The following CRAMP1 variants were observed in gnomAD, a reference collection of about 807,000 sequenced individuals.
CRAMP1 encodes cramped chromatin regulator 1.
Under a neutral mutation model 115.4 loss-of-function variants are expected in CRAMP1, and 50 were observed. The ratio of observed to expected loss-of-function variants is 0.43; its 90% CI spans 0.35 to 0.55. The LOEUF is 0.55. Among genes scored for constraint, CRAMP1 ranks in the 20% least tolerant of loss-of-function variants. CRAMP1 has a pLI of 0.01. For missense variants in CRAMP1, 1,679 were observed against 1,721.7 expected, an observed-to-expected ratio of 0.98 and a Z score of 0.44; for synonymous variants, 866 against 745.4, an observed-to-expected ratio of 1.16 and a Z score of -2.64.
rs900262076 is a variant in CRAMP1, at chr16:1,652,486, C to G, written c.828-10C>G. 7.7e-6 allele frequency: 12 copies of G among 1,551,082 alleles called. No homozygotes were observed. The highest frequency in any genetic ancestry group is 2.4e-5 in the East Asian group (1 of 40,930). ...CAGGCCTCAGCGTTCCTTCAAAACT[C>G]TTTTCCCAGGGCCACCACTGTACGT... On this transcript the variant is annotated splice_polypyrimidine_tract_variant and intron_variant, in intron 6 of 20. Coordinates refer to ENST00000397412, the MANE Select transcript of CRAMP1 (RefSeq NM_020825.4).
At chr16:1,667,464 G>A in intron 17 of CRAMP1, 64 bp downstream of exon 17, 1 of 1,285,800 alleles carries the variant, frequency 7.8e-7, no homozygotes, top group Non-Finnish European at 1.1e-6. Context: ...AGTGCCCTGA[G>A]CTGCCACCTG....
At chr16:1,637,047 C>T (rs1268300975) in intron 4 of CRAMP1, among the ~76,000 whole-genome samples, 1 of 152,196 alleles carries the variant, frequency 6.6e-6, no homozygotes, top group Non-Finnish European at 1.5e-5. Context: ...AATCCCAGCA[C>T]TTTGGGAGGT....
intron 3 of CRAMP1, 120 bp downstream of exon 3, chr16:1,626,286 C>T (rs1482459329): frequency 2.1e-6 from 2 of 974,540 alleles, no homozygotes; most frequent in Admixed American, 6.6e-5. Flanking sequence ...TGGGCGACCC[C>T]CGCAGTGGCG....
chr16:1,648,083 A>G (rs1216734256), intron 6 of CRAMP1, among the ~76,000 whole-genome samples: 1 of 152,148 alleles, frequency 6.6e-6, no homozygotes, highest in Non-Finnish European at 1.5e-5. Flanking sequence ...GAATGGTTCC[A>G]TATGAATGCA....
At position 1,674,598 on chromosome 16, in the gene CRAMP1, A is replaced by G. The variant is rs762908504; in HGVS notation, c.*553A>G. 6.4e-6 allele frequency: 1 copy of G among 155,170 alleles called. No homozygotes were observed. Among genetic ancestry groups the G allele is most frequent in the Admixed American group, 6.3e-5 (1 of 15,802 alleles). The allele number at this position is 155,170 out of a possible 1,614,324, so 9.6% of individuals were successfully genotyped here. ...ACATCCCAAGGCAGCAAGAGCATGG[A>G]TACCGATCACAGGGCTGCTGCGGAG... is the stretch of plus-strand genomic sequence containing the variant. On this transcript the variant is annotated 3_prime_UTR_variant, in exon 21 of 21. Transcript: ENST00000397412.
intron 18 of CRAMP1, among the ~76,000 whole-genome samples, 173 bp downstream of exon 18, chr16:1,668,366 CCTGTGGGACCTGAGGCAG>C (rs2036894236): frequency 6.6e-6 from 1 of 152,204 alleles, no homozygotes; most frequent in Non-Finnish European, 1.5e-5. Context: ...GGATAAGGTA[CCTGTGGGACCTGAGGCAG>C]CTGATGGCCT....
At chr16:1,663,242 C>G (rs572397113) in intron 13 of CRAMP1, among the ~76,000 whole-genome samples, 13 of 152,306 alleles carry the variant, frequency 8.5e-5, no homozygotes, top group African/African-American at 3.1e-4. Context: ...GCCTGGGGGA[C>G]AGCCAGGGAC....
intron 4 of CRAMP1, among the ~76,000 whole-genome samples, chr16:1,636,896 C>A (rs1267620006): frequency 6.6e-6 from 1 of 152,216 alleles, no homozygotes; most frequent in Non-Finnish European, 1.5e-5. Context: ...AACCCTCCTG[C>A]CCAAATCAGG....
intron 3 of CRAMP1, 87 bp downstream of exon 3, chr16:1,626,253 T>G: frequency 1.6e-6 from 2 of 1,284,830 alleles, no homozygotes; most frequent in Non-Finnish European, 2.1e-6. Context: ...CTCTTTGCTG[T>G]TAGATTCTAG....
intron 2 of CRAMP1, among the ~76,000 whole-genome samples, chr16:1,622,241 A>G (rs1201636577): frequency 2.0e-5 from 3 of 152,232 alleles, no homozygotes; most frequent in Non-Finnish European, 2.9e-5. Flanking sequence ...GGCCGGGCGC[A>G]GTGGCCCATG....
intron 2 of CRAMP1, chr16:1,625,542 T>A (rs1221723082): frequency 6.4e-6 from 1 of 155,762 alleles, no homozygotes; most frequent in East Asian, 1.9e-4. Flanking sequence ...TTTGTTTCCT[T>A]GAGTTTGAAT....
In CRAMP1 at chr16:1,625,970, A is replaced by G. The variant is rs775598708; in HGVS notation, c.347-3A>G. 3.4e-5 allele frequency: 53 copies of G among 1,551,228 alleles called. No homozygotes were observed. The highest frequency in any genetic ancestry group is 4.5e-5 in the Non-Finnish European group (52 of 1,146,866). ...GATCACTGTACGGTGCTTTCTCTCC[A>G]AGGAGCTGAAGGTGGTGGATCATCG... On this transcript the variant is annotated splice_polypyrimidine_tract_variant and splice_region_variant and intron_variant, in intron 2 of 20. Coordinates refer to ENST00000397412, the MANE Select transcript of CRAMP1 (RefSeq NM_020825.4).
chr16:1,646,376 C>T (rs1484723319), intron 6 of CRAMP1, among the ~76,000 whole-genome samples: 2 of 152,140 alleles, frequency 1.3e-5, no homozygotes, highest in East Asian at 3.9e-4. Context: ...TCAGCGTGTT[C>T]GGGGTGTTTG....
chr16:1,636,479 G>A (rs1398676314), intron 4 of CRAMP1, among the ~76,000 whole-genome samples: 2 of 152,120 alleles, frequency 1.3e-5, no homozygotes, highest in Non-Finnish European at 2.9e-5. Flanking sequence ...GCTTAGCCGT[G>A]TCCGAGACCC....
chr16:1,625,928 G>T, intron 2 of CRAMP1, 45 bp from the exon 3 acceptor site: 1 of 1,543,546 alleles, frequency 6.5e-7, no homozygotes, highest in Non-Finnish European at 8.8e-7. Context: ...TGCCCAGCCC[G>T]CCAGCTTTCT....
rs2036770753 is a variant in CRAMP1 at position 1,656,169 on chromosome 16, A to C, written c.1412A>C (p.Lys471Thr). ...TGCCCGCGGAGCGGAGCTGAGGGCA[A>C]GGGTGTGGGGCGGCCCCCTCCTGCG... is the stretch of plus-strand genomic sequence containing the variant. Reference protein sequence around the residue: ...VKCPRSGAEGKGVGRPPPAAD... With the variant: ...VKCPRSGAEGTGVGRPPPAAD... Residue 471 changes from lysine to threonine, a missense_variant, in exon 10 of 21, where the codon AAG (lysine) becomes ACG (threonine). By Grantham distance (78) the Lys-to-Thr change is moderately conservative. Around this residue, in one of 8 missense-constraint regions of CRAMP1, gnomAD observed 405 missense variants for 302.6 expected, o/e 1.34. Coordinates refer to ENST00000397412, the MANE Select transcript of CRAMP1 (RefSeq NM_020825.4). This position sits in a 1 kb window ranked among gnomAD's most constrained non-coding sequence, Gnocchi z 5.6. 1.2e-6 allele frequency: 2 copies of C among 1,605,894 alleles called. No homozygotes were observed. Among genetic ancestry groups the C allele is most frequent in the South Asian group, 1.1e-5 (1 of 90,722 alleles).
At chr16:1,631,030 G>A (rs1290212625) in intron 3 of CRAMP1, among the ~76,000 whole-genome samples, 1 of 152,184 alleles carries the variant, frequency 6.6e-6, no homozygotes, top group Non-Finnish European at 1.5e-5. Context: ...TGTAAATACC[G>A]TGTTTCTCAT....
chr16:1,664,348 G>A (rs189027942), intron 13 of CRAMP1, among the ~76,000 whole-genome samples: 101 of 152,300 alleles, frequency 6.6e-4, no homozygotes, highest in Non-Finnish European at 9.8e-4. Context: ...TACAAGCAGT[G>A]ACTTTATTTT....
chr16:1,616,126 A>G (rs1031083729), intron 2 of CRAMP1, among the ~76,000 whole-genome samples: 1 of 152,254 alleles, frequency 6.6e-6, no homozygotes, highest in African/African-American at 2.4e-5. Context: ...GTAACTTAGC[A>G]TGTTTCAGAA....
Sources: allele counts gnomAD v4.1 joint callset (sites outside exome capture counted in the v4.1 genomes callset), GRCh38; gene constraint gnomAD v4.1.1; regional missense constraint gnomAD v4.1.1; non-coding constraint Gnocchi (gnomAD v3.1); transcripts MANE v1.5; gene names NCBI Gene and HGNC (gene_info 2026-07-23, HGNC 2026-07-21).